Variants in ATG7 observed in about 807,000 individuals in gnomAD.
ATG7 encodes ubiquitin-like modifier-activating enzyme ATG7.
Under a neutral mutation model 82.4 loss-of-function variants are expected in ATG7, and 70 were observed. The observed-to-expected ratio is 0.85, with a 90% confidence interval of 0.70 to 1.04. The LOEUF (loss-of-function observed/expected upper bound fraction) is 1.04. Among genes scored for constraint, ATG7 ranks in the 50% least tolerant of loss-of-function variants. The probability of loss-of-function intolerance (pLI) is 0.00; values close to 1 mark genes in which losing one functional copy is unlikely to be tolerated. For synonymous variants in ATG7, 287 were observed against 313.0 expected (o/e 0.92, Z 0.88); for missense variants, 792 against 864.3 (o/e 0.92, Z 1.05).
In ATG7 at chr3:11,395,963, AAAG is replaced by A. The variant is rs1477246633; in HGVS notation, c.1956+15912_1956+15914del. Among the ~76,000 whole-genome samples, 641 of 97,110 alleles carry A rather than the reference AAAG, an allele frequency of 6.6e-3. 68 individuals carry two copies. Among genetic ancestry groups the A allele is most frequent in the Non-Finnish European group, 9.7e-3 (491 of 50,690 alleles). The allele number at this position is 97,110 out of a possible 152,430, so 63.7% of individuals were successfully genotyped here. A position where few individuals can be genotyped will look rare whatever the true frequency, so the allele number is the denominator to read the frequency against. On this transcript the variant is annotated intron_variant, in intron 19 of 20. Coordinates refer to ENST00000693202, the MANE Select transcript of ATG7 (RefSeq NM_001349232.2). ...TCAAAAAAAAAAAAAAAAAAAAAAAAAAGGTAGGGGGGGAAGAGTAAAAGTGAA... is the reference window on the plus strand; with the variant it reads ...TCAAAAAAAAAAAAAAAAAAAAAAAAGTAGGGGGGGAAGAGTAAAAGTGAA...
intron 1 of ATG7, among the ~76,000 whole-genome samples, chr3:11,274,248 G>C (rs1941202928): frequency 2.0e-5 from 3 of 152,096 alleles, no homozygotes; most frequent in Non-Finnish European, 2.9e-5. Context: ...CTGGCACTGC[G>C]CTGCAAGCTG....
At chr3:11,573,263 GA>G in the ATG7 span, among the ~76,000 whole-genome samples, 18 of 10,126 alleles carry the variant, frequency 1.8e-3, 1 homozygote, top group African/African-American at 0.011. Flanking sequence ...AAGAAAGAAA[GA>G]AAGAAAGAAA....
At chr3:11,374,733 GTC>G (rs990942093) in intron 18 of ATG7, among the ~76,000 whole-genome samples, 4 of 151,906 alleles carry the variant, frequency 2.6e-5, no homozygotes, top group African/African-American at 9.7e-5. Flanking sequence ...GTGAAACCCT[GTC>G]TCGACTAAAA....
At chr3:11,308,643 A>G (rs966420703) in intron 6 of ATG7, 4 of 277,322 alleles carry the variant, frequency 1.4e-5, no homozygotes, top group African/African-American at 8.8e-5. Context: ...TTATTTCTGT[A>G]ACCCTGATGT....
intron 20 of ATG7, among the ~76,000 whole-genome samples, chr3:11,518,417 T>C (rs1004968082): frequency 3.3e-5 from 5 of 151,940 alleles, no homozygotes; most frequent in Admixed American, 6.6e-5. Context: ...CGTGGTGGCA[T>C]GCGCCTATAG....
intron 20 of ATG7, among the ~76,000 whole-genome samples, chr3:11,444,745 T>C (rs974465111): frequency 5.5e-4 from 83 of 152,198 alleles, no homozygotes; most frequent in African/African-American, 1.9e-3. Context: ...AAAGAGCTTC[T>C]GCACAGCAAA....
At chr3:11,375,277 C>G (rs574354486) in intron 18 of ATG7, among the ~76,000 whole-genome samples, 1 of 152,004 alleles carries the variant, frequency 6.6e-6, no homozygotes, top group Non-Finnish European at 1.5e-5. Flanking sequence ...TGATAAGAAA[C>G]CTTTATCCAG....
Position 11,486,748 on chromosome 3 carries a change from G to A in ATG7, c.2079+59822G>A, listed in dbSNP as rs2089696842. ...ATTTATTGAGAGTTTTTAGTATGAAGGGTTGTTGAATTTTGTCAAAGGCCT... is the reference window on the plus strand; with the variant it reads ...ATTTATTGAGAGTTTTTAGTATGAAAGGTTGTTGAATTTTGTCAAAGGCCT... On this transcript the variant is annotated intron_variant, in intron 20 of 20. Transcript: ENST00000693202. Among the ~76,000 whole-genome samples, 5 of 151,840 alleles carry A rather than the reference G, an allele frequency of 3.3e-5. No individual in the cohort carries two copies. The Middle Eastern group carries it at 0.017, about 520-fold the overall frequency.
rs529177937 is a variant in ATG7 at position 11,526,319 on chromosome 3, G to A, written c.2080-28492G>A. Among the ~76,000 whole-genome samples the A allele has an allele frequency of 9.9e-5, 15 of 152,208 alleles. No individual in the cohort carries two copies. The East Asian group carries it at 2.9e-3, about 29-fold the overall frequency. Reference sequence around the variant, plus strand: ...GGCAAGAGAGTCACTTGAGCCCAGGGAGGCCGAGGCTTTAGTGAGCCGTGA... The same window carrying A: ...GGCAAGAGAGTCACTTGAGCCCAGGAAGGCCGAGGCTTTAGTGAGCCGTGA... On this transcript the variant is annotated intron_variant, in intron 20 of 20. Coordinates refer to ENST00000693202, the MANE Select transcript of ATG7 (RefSeq NM_001349232.2).
chr3:11,537,653 C>G (rs1044095851), intron 20 of ATG7, among the ~76,000 whole-genome samples: 2 of 152,218 alleles, frequency 1.3e-5, no homozygotes, highest in African/African-American at 4.8e-5. Context: ...CCCAAGAGGG[C>G]TCTCACTCCA....
chr3:11,283,857 G>A (rs1215480015), intron 3 of ATG7, among the ~76,000 whole-genome samples: 4 of 152,110 alleles, frequency 2.6e-5, no homozygotes, highest in African/African-American at 4.8e-5. Flanking sequence ...GCTTGAACCC[G>A]GTAGACGGAG....
At chr3:11,306,568 G>A (rs1947776284) in intron 5 of ATG7, among the ~76,000 whole-genome samples, 1 of 152,146 alleles carries the variant, frequency 6.6e-6, no homozygotes, top group Non-Finnish European at 1.5e-5. Context: ...CCTTAGGCAA[G>A]TTGCTTAAAC....
At chr3:11,290,576 A>G (rs1056828829) in intron 3 of ATG7, 16 of 348,492 alleles carry the variant, frequency 4.6e-5, no homozygotes, top group Admixed American at 9.9e-5. Context: ...CTTCCAGCCA[A>G]CCTCATGAAC....
the ATG7 span, chr3:11,568,906 C>T: frequency 7.7e-7 from 1 of 1,294,010 alleles, no homozygotes; most frequent in Non-Finnish European, 9.8e-7. The surrounding 1 kb of genome is among the most constrained non-coding windows in gnomAD (Gnocchi z 5.9). Context: ...GGGCCTCATC[C>T]CCATCCTAGG....
chr3:11,558,728 G>A (rs769095621), downstream of ATG7: 15 of 1,614,138 alleles, frequency 9.3e-6, no homozygotes, highest in East Asian at 2.2e-5. Context: ...CACGGAGCCC[G>A]TGATGGACAC....
At chr3:11,514,858 GGAGA>G (rs1353894773) in intron 20 of ATG7, among the ~76,000 whole-genome samples, 84 of 93,752 alleles carry the variant, frequency 9.0e-4, no homozygotes, top group African/African-American at 3.6e-3. Context: ...TTTTTTTTTT[GGAGA>G]GAGAGTCTCG....
chr3:11,565,866 A>G, the ATG7 span, among the ~76,000 whole-genome samples: 2 of 151,814 alleles, frequency 1.3e-5, no homozygotes, highest in African/African-American at 4.8e-5. The surrounding 1 kb of genome is among the most constrained non-coding windows in gnomAD (Gnocchi z 4.1). Context: ...GCCCTGGTCC[A>G]CCCTCCCTGC....
intron 20 of ATG7, among the ~76,000 whole-genome samples, chr3:11,508,240 G>A (rs74719560): frequency 2.6e-4 from 40 of 151,894 alleles, no homozygotes; most frequent in African/African-American, 9.4e-4. Flanking sequence ...TGTCTAAGGT[G>A]GGGGGGTGTC....
intron 20 of ATG7, among the ~76,000 whole-genome samples, chr3:11,439,214 G>A (rs1423815324): frequency 5.3e-5 from 8 of 151,630 alleles, no homozygotes; most frequent in East Asian, 1.9e-4. Context: ...GACTACAGGC[G>A]CCCACCACCA....
Sources: gnomAD v4.1 joint callset for allele counts (sites outside exome capture counted in the v4.1 genomes callset) on GRCh38, gnomAD v4.1.1 for gene constraint, Gnocchi (gnomAD v3.1) non-coding constraint, MANE v1.5 for transcripts, NCBI Gene and HGNC (gene_info 2026-07-23, HGNC 2026-07-21) for gene names.